Variants in FAT4 observed in about 807,000 individuals in gnomAD.
FAT4 encodes FAT atypical cadherin 4, also known as protocadherin Fat 4.
Under a neutral mutation model 303.9 loss-of-function variants are expected in FAT4, and 84 were observed. The observed-to-expected ratio is 0.28, with a 90% confidence interval of 0.23 to 0.33. The LOEUF is 0.33. Among genes scored for constraint, FAT4 ranks in the 10% least tolerant of loss-of-function variants. The pLI, the probability that FAT4 is intolerant of heterozygous loss-of-function variation, is 1.00. For synonymous variants in FAT4, 2,307 were observed against 2,298.8 expected (o/e 1.00, Z -0.10); for missense variants, 6,005 against 6,146.8 (o/e 0.98, Z 0.77).
At chr4:125,361,867 C>T (rs1732686210) in intron 2 of FAT4, among the ~76,000 whole-genome samples, 1 of 152,094 alleles carries the variant, frequency 6.6e-6, no homozygotes, top group Non-Finnish European at 1.5e-5. Flanking sequence ...GGATGCACTC[C>T]AGTTATCCAT....
At chr4:125,333,529 GA>G (rs1731465336) in intron 2 of FAT4, among the ~76,000 whole-genome samples, 1 of 152,160 alleles carries the variant, frequency 6.6e-6, no homozygotes, top group African/African-American at 2.4e-5. Flanking sequence ...TTTATTTCAT[GA>G]AGTGGATTAA....
chr4:125,491,957 G>A lies in FAT4; in HGVS notation c.*189G>A, dbSNP rs1204924829. ...ACAACAACTCTTAATTTAAACATGT[G>A]TGGTTGAATTTATTTCCCTGCATGC... On this transcript the variant is annotated 3_prime_UTR_variant, in exon 18 of 18. Transcript: ENST00000394329. 37 of 586,544 alleles carry A rather than the reference G, an allele frequency of 6.3e-5. No individual in the cohort carries two copies. Among genetic ancestry groups the A allele is most frequent in the Non-Finnish European group, 5.7e-6 (2 of 349,062 alleles). The allele number at this position is 586,544 out of a possible 1,614,324, so 36.3% of individuals were successfully genotyped here.
rs750389398 is a variant in FAT4 at position 125,449,004 on chromosome 4, A to G, written c.7994A>G (p.Asn2665Ser). The change falls in exon 10 of 18, where the codon AAT becomes AGT. Residue 2665 changes from asparagine to serine, a missense_variant. Coordinates refer to ENST00000394329, the MANE Select transcript of FAT4 (RefSeq NM_001291303.3). The part of the protein sequence containing the change: ...EKLDITVLDV[N>S]DNAPIFKEDP... ...CTTGATATAACAGTATTAGATGTCA[A>G]TGATAATGCCCCAATTTTTAAGGAA... 1.5e-5 allele frequency: 25 copies of G among 1,613,748 alleles called. No individual in the cohort carries two copies. Among genetic ancestry groups the G allele is most frequent in the African/African-American group, 5.3e-5 (4 of 74,888 alleles).
intron 12 of FAT4, 130 bp from the exon 13 acceptor site, chr4:125,476,041 A>C (rs1727017449): frequency 2.2e-6 from 1 of 465,070 alleles, no homozygotes; most frequent in Admixed American, 3.3e-5. Flanking sequence ...TGATTTATAC[A>C]TTAAATCAAG....
intron 2 of FAT4, among the ~76,000 whole-genome samples, chr4:125,352,537 G>A (rs1732266411): frequency 6.6e-6 from 1 of 151,792 alleles, no homozygotes; most frequent in Non-Finnish European, 1.5e-5. Flanking sequence ...TCCTGTGCTT[G>A]ACTGTTCCTC....
rs115997143 is a variant in FAT4, at chr4:125,364,436, G to A, written c.5176-34348G>A. ...ATTAAGAAAGCCAGTTATTAATAAC[G>A]TATTTTAATAAATTATGATAAGCAT... On this transcript the variant is annotated intron_variant, in intron 2 of 17. Transcript: ENST00000394329. 6.5e-3 allele frequency among the ~76,000 whole-genome samples: 994 copies of A among 152,006 alleles called. 8 individuals carry two copies. The highest frequency in any genetic ancestry group is 0.022 in the African/African-American group (911 of 41,452).
chr4:125,335,667 AT>A (rs528576762), intron 2 of FAT4, among the ~76,000 whole-genome samples: 7 of 148,360 alleles, frequency 4.7e-5, no homozygotes, highest in Admixed American at 1.3e-4. Context: ...TGTGTATTTC[AT>A]TTTTTTTTTC....
intron 7 of FAT4, among the ~76,000 whole-genome samples, chr4:125,423,763 C>T (rs1334504590): frequency 6.6e-6 from 1 of 152,184 alleles, no homozygotes; most frequent in Non-Finnish European, 1.5e-5. Context: ...TGCAAAGCCA[C>T]AGGGGCAGAG....
At chr4:125,339,064 C>G (rs549568475) in intron 2 of FAT4, among the ~76,000 whole-genome samples, 42 of 152,208 alleles carry the variant, frequency 2.8e-4, no homozygotes, top group African/African-American at 1.0e-3. Flanking sequence ...TTAAGAGCTT[C>G]CTTTGCCCTA....
intron 2 of FAT4, among the ~76,000 whole-genome samples, chr4:125,337,153 G>A (rs1035764887): frequency 2.0e-5 from 3 of 151,918 alleles, no homozygotes. Flanking sequence ...AAAAGCAAAA[G>A]CCATAAATAT....
At chr4:125,488,928 A>C (rs1318502588) in intron 17 of FAT4, among the ~76,000 whole-genome samples, 1 of 152,160 alleles carries the variant, frequency 6.6e-6, no homozygotes, top group Non-Finnish European at 1.5e-5. Context: ...TCGGAAAAGA[A>C]GACTAAGTAA....
At chr4:125,483,487 A>C (rs763943243) in intron 16 of FAT4, among the ~76,000 whole-genome samples, 3 of 152,202 alleles carry the variant, frequency 2.0e-5, no homozygotes, top group Non-Finnish European at 4.4e-5. Flanking sequence ...TGTGGTTGAA[A>C]AAAATCAGAG....
At chr4:125,434,217 T>A in intron 7 of FAT4, 28 bp from the exon 8 acceptor site, 2 of 1,599,040 alleles carry the variant, frequency 1.3e-6, no homozygotes, top group Non-Finnish European at 1.7e-6. Flanking sequence ...TTTATAAACA[T>A]TGAGACTTGA....
rs1337736344 is a variant in FAT4 at position 125,490,756 on chromosome 4, A to G, written c.13940A>G (p.His4647Arg). 1 of 1,614,088 alleles carries G rather than the reference A, an allele frequency of 6.2e-7. No individual in the cohort carries two copies. The highest frequency in any genetic ancestry group is 1.3e-5 in the African/African-American group (1 of 75,032). ...CAACACTACAAGCAGTTCCGCAGCC[A>G]CACACCAAAATTTTCAATCCAGAGG... ...IIQHYKQFRS[H>R]TPKFSIQRHS... is the part of the protein sequence containing the mutation. The change falls in exon 18 of 18, where the codon CAC becomes CGC. Residue 4647 changes from histidine (H) to arginine (R), a missense_variant. By Grantham distance (29) the His-to-Arg change is conservative. Transcript: ENST00000394329.
chr4:125,327,091 AGCTAAG>A (rs1321446553), intron 2 of FAT4, among the ~76,000 whole-genome samples: 2 of 152,184 alleles, frequency 1.3e-5, no homozygotes, highest in Non-Finnish European at 2.9e-5. Flanking sequence ...TGCCTACCAC[AGCTAAG>A]GCCCTCAGCA....
rs550110290 is a variant in FAT4 at position 125,427,884 on chromosome 4, TA to T, written c.7019-6355del. Among the ~76,000 whole-genome samples the T allele has an allele frequency of 1.3e-3, 192 of 152,332 alleles. 2 individuals are homozygous for T. The highest frequency in any genetic ancestry group is 4.3e-3 in the African/African-American group (177 of 41,584). On this transcript the variant is annotated intron_variant, in intron 7 of 17. Coordinates refer to ENST00000394329, the MANE Select transcript of FAT4 (RefSeq NM_001291303.3). The stretch of plus-strand genomic sequence containing the variant: ...TATTTTTGATTTATAGTTGCTATTA[TA>T]AAAAATATAATCTTCCTGACATTTG...
intron 2 of FAT4, among the ~76,000 whole-genome samples, chr4:125,341,858 T>C (rs1425936132): frequency 2.0e-5 from 3 of 151,990 alleles, no homozygotes; most frequent in Non-Finnish European, 2.9e-5. Flanking sequence ...CAAGAATTCT[T>C]TTGTGTCTTC....
At chr4:125,380,263 C>G (rs1733491682) in intron 2 of FAT4, among the ~76,000 whole-genome samples, 1 of 152,132 alleles carries the variant, frequency 6.6e-6, no homozygotes. Context: ...AAGAGATAAA[C>G]TTTGGCTGTT....
At chr4:125,345,994 G>T (rs1295479251) in intron 2 of FAT4, among the ~76,000 whole-genome samples, 1 of 151,802 alleles carries the variant, frequency 6.6e-6, no homozygotes, top group Non-Finnish European at 1.5e-5. Context: ...ATAATTTTAA[G>T]TACTGCTCTT....
Sources: gnomAD v4.1 joint callset for allele counts (sites outside exome capture counted in the v4.1 genomes callset) on GRCh38, gnomAD v4.1.1 for gene constraint, MANE v1.5 for transcripts, NCBI Gene and HGNC (gene_info 2026-07-23, HGNC 2026-07-21) for gene names.